The following PCDH9 variants were observed in gnomAD, a reference collection of about 807,000 sequenced individuals.
The protein encoded by PCDH9 is protocadherin-9.
A neutral mutation model predicts 70.6 loss-of-function variants in PCDH9; 24 were observed. That is an observed-to-expected ratio of 0.34 (90% CI 0.25 to 0.48). The LOEUF is 0.48. Among genes scored for constraint, PCDH9 ranks in the 20% least tolerant of loss-of-function variants. The pLI is 0.99. For missense variants in PCDH9, 1,281 were observed against 1,503.6 expected (o/e 0.85, Z 2.45); for synonymous variants, 562 against 558.5 (o/e 1.01, Z -0.09).
At chr13:66,318,347 T>C (rs189285420) in intron 4 of PCDH9, among the ~76,000 whole-genome samples, 25 of 152,336 alleles carry the variant, frequency 1.6e-4, no homozygotes, top group Admixed American at 3.9e-4. Context: ...GTGTCTCTTA[T>C]ACTTTAGTTA....
At chr13:67,015,620 A>C (rs573688726) in intron 2 of PCDH9, among the ~76,000 whole-genome samples, 4 of 152,264 alleles carry the variant, frequency 2.6e-5, no homozygotes, top group African/African-American at 9.6e-5. Flanking sequence ...ATTACCTTTC[A>C]AATACCTAGA....
rs2089903076 is a variant in PCDH9 at position 67,227,363 on chromosome 13, G to T, written c.1078C>A (p.Leu360Ile). ...DVNDNPPNID[L>I]RYIISPINGT... ...TTGATGGGACTTATAATGTACCTGA[G>T]GTCTATATTAGGAGGGTTATCATTT... The change falls in exon 2 of 5, where the codon CTC (leucine) becomes ATC (isoleucine). Residue 360 changes from leucine to isoleucine, a missense_variant. Leu to Ile is a conservative substitution (Grantham distance 5). Transcript: ENST00000377865. This position sits in a 1 kb window ranked among gnomAD's most constrained non-coding sequence, Gnocchi z 4.6. 1 of 1,613,946 alleles carries T rather than the reference G, an allele frequency of 6.2e-7. No individual in the cohort carries two copies. Among genetic ancestry groups the T allele is most frequent in the African/African-American group, 1.3e-5 (1 of 75,030 alleles).
At chr13:66,957,250 T>G (rs1449602032) in intron 2 of PCDH9, among the ~76,000 whole-genome samples, 1 of 152,240 alleles carries the variant, frequency 6.6e-6, no homozygotes, top group African/African-American at 2.4e-5. Flanking sequence ...ATAAGCCACA[T>G]AATCCTCCAA....
At chr13:66,734,927 A>G (rs1028490185) in intron 3 of PCDH9, among the ~76,000 whole-genome samples, 1 of 152,228 alleles carries the variant, frequency 6.6e-6, no homozygotes, top group Non-Finnish European at 1.5e-5. Flanking sequence ...GTCCTTGTTA[A>G]CATAGCTCTC....
At chr13:67,018,565 A>G (rs2084608873) in intron 2 of PCDH9, among the ~76,000 whole-genome samples, 1 of 148,720 alleles carries the variant, frequency 6.7e-6, no homozygotes, top group Admixed American at 6.8e-5. Flanking sequence ...GTTGCAGTGA[A>G]CCTAGATTGT....
Position 66,903,591 on chromosome 13 carries a change from G to T in PCDH9, c.3051C>A (p.Ser1017Arg), listed in dbSNP as rs149470963. 2,281 of 1,507,656 alleles carry T rather than the reference G, an allele frequency of 1.5e-3. 10 individuals are homozygous for T. The highest frequency in any genetic ancestry group is 6.9e-3 in the South Asian group (607 of 88,552). 93.4% of individuals were successfully genotyped at this position (1,507,656 alleles called of 1,614,324 possible). ...PLHTRQCNSH[S>R]KSDNIPVTPQ... ...GAGTGACAGGAATATTGTCACTTTT[G>T]CTGTGTGAGTTACACTGAAAGAGAT... is the stretch of plus-strand genomic sequence containing the variant. Residue 1017 changes from serine to arginine, a missense_variant, in exon 3 of 5, where the codon AGC (serine) becomes AGA (arginine). Ser to Arg is a moderately radical substitution (Grantham distance 110, BLOSUM62 -1). Coordinates refer to ENST00000377865, the MANE Select transcript of PCDH9 (RefSeq NM_203487.3).
intron 3 of PCDH9, among the ~76,000 whole-genome samples, chr13:66,701,560 T>G (rs1287504294): frequency 1.3e-5 from 2 of 152,146 alleles, no homozygotes; most frequent in African/African-American, 4.8e-5. Context: ...CATGATTGTC[T>G]TTTTGTTTGG....
chr13:66,555,374 A>G (rs2225840), intron 4 of PCDH9, among the ~76,000 whole-genome samples: 2,813 of 150,568 alleles, frequency 0.019, 96 homozygotes, highest in African/African-American at 0.064. Context: ...GCAATTTTAT[A>G]TGTCCTTGTT....
intron 4 of PCDH9, among the ~76,000 whole-genome samples, chr13:66,547,390 A>C (rs1281088410): frequency 6.6e-6 from 1 of 152,186 alleles, no homozygotes; most frequent in African/African-American, 2.4e-5. Flanking sequence ...TCAAATCAAC[A>C]GAGTCTATAA....
rs1555262882 is a variant in PCDH9, at chr13:66,730,897, T to TGTTTTG, written c.3139-99487_3139-99486insCAAAAC. The stretch of plus-strand genomic sequence containing the variant: ...GTGTGTTTTTTTTTTGTTTGTTTCT[T>TGTTTTG]TTTTTTTGTGGAGACAGAGGTCTCA... On this transcript the variant is annotated intron_variant, in intron 3 of 4. Coordinates refer to ENST00000377865, the MANE Select transcript of PCDH9 (RefSeq NM_203487.3). 8.1e-4 allele frequency among the ~76,000 whole-genome samples: 104 copies of TGTTTTG among 129,114 alleles called. 3 individuals carry two copies. The highest frequency in any genetic ancestry group is 1.3e-3 in the Admixed American group (15 of 11,690). 84.7% of individuals were successfully genotyped at this position (129,114 alleles called of 152,430 possible).
rs376807986 is a variant in PCDH9 at position 66,495,743 on chromosome 13, CTG to C, written c.3340+135465_3340+135466del. On this transcript the variant is annotated intron_variant, in intron 4 of 4. Transcript: ENST00000377865. ...TGCATTTCTGCCTGTCATCCCCAAA[CTG>C]TGCATTCCACTTCAGGCTAAGCCCT... 2.3e-3 allele frequency among the ~76,000 whole-genome samples: 352 copies of C among 152,332 alleles called. 3 individuals carry two copies. The highest frequency in any genetic ancestry group is 8.2e-3 in the African/African-American group (339 of 41,576).
In PCDH9 at chr13:66,348,675, ATTTTT is replaced by A. The variant is rs59340641; in HGVS notation, c.3341-43652_3341-43648del. 9.3e-3 allele frequency among the ~76,000 whole-genome samples: 1,262 copies of A among 136,064 alleles called. 10 individuals are homozygous for A. Among genetic ancestry groups the A allele is most frequent in the Middle Eastern group, 0.023 (6 of 256 alleles). 89.3% of individuals were successfully genotyped at this position (136,064 alleles called of 152,430 possible). A position where few individuals can be genotyped will look rare whatever the true frequency, so the allele number is the denominator to read the frequency against. On this transcript the variant is annotated intron_variant, in intron 4 of 4. Transcript: ENST00000377865. ...AAGTGCTTGTATAGTGCTATTTGCC[ATTTTT>A]TTTTTTTTTTTTTTTGCTGCCAAGT...
intron 4 of PCDH9, among the ~76,000 whole-genome samples, chr13:66,527,056 T>C (rs1960247367): frequency 6.6e-6 from 1 of 152,168 alleles, no homozygotes; most frequent in South Asian, 2.1e-4. Context: ...GCCTGCTTTG[T>C]GTTGAGATGC....
chr13:66,600,416 C>T (rs1593758038), intron 4 of PCDH9, among the ~76,000 whole-genome samples: 1 of 151,966 alleles, frequency 6.6e-6, no homozygotes, highest in East Asian at 1.9e-4. Flanking sequence ...CTATTTTACT[C>T]TGCTAGTATT....
chr13:66,549,586 A>G (rs1434480242), intron 4 of PCDH9, among the ~76,000 whole-genome samples: 2 of 152,096 alleles, frequency 1.3e-5, no homozygotes, highest in African/African-American at 2.4e-5. Flanking sequence ...TGCTCAGTTA[A>G]ACCTCTTTTC....
At chr13:66,789,234 C>T (rs1031055393) in intron 3 of PCDH9, among the ~76,000 whole-genome samples, 2 of 152,114 alleles carry the variant, frequency 1.3e-5, no homozygotes, top group Admixed American at 1.3e-4. Context: ...TGAAATGTGA[C>T]AAAATTGAGA....
intron 2 of PCDH9, among the ~76,000 whole-genome samples, chr13:67,150,748 A>G (rs1444139279): frequency 2.6e-5 from 4 of 152,224 alleles, no homozygotes; most frequent in Admixed American, 2.6e-4. Context: ...CAAATAAAGT[A>G]ACTTGTACTC....
At chr13:67,083,382 A>G (rs1211460895) in intron 2 of PCDH9, among the ~76,000 whole-genome samples, 9 of 152,136 alleles carry the variant, frequency 5.9e-5, no homozygotes, top group Admixed American at 5.9e-4. Context: ...AAGCAATTAG[A>G]GAGAGTAACA....
chr13:66,330,570 G>C (rs1262858848), intron 4 of PCDH9, among the ~76,000 whole-genome samples: 1 of 151,900 alleles, frequency 6.6e-6, no homozygotes, highest in East Asian at 1.9e-4. Context: ...GTGAAAGGAG[G>C]AAAATGTAAT....
Sources: allele counts gnomAD v4.1 joint callset (sites outside exome capture counted in the v4.1 genomes callset), GRCh38; gene constraint gnomAD v4.1.1; non-coding constraint Gnocchi (gnomAD v3.1); transcripts MANE v1.5; gene names NCBI Gene and HGNC (gene_info 2026-07-23, HGNC 2026-07-21).